UBR1: variants seen among roughly 807,000 people sequenced by gnomAD.
UBR1 encodes ubiquitin protein ligase E3 component n-recognin 1, also known as E3 ubiquitin-protein ligase UBR1.
A neutral mutation model predicts 242.1 loss-of-function variants in UBR1; 102 were observed. That is an observed-to-expected ratio of 0.42 (90% CI 0.36 to 0.50). The LOEUF (loss-of-function observed/expected upper bound fraction) is 0.50, where lower values mean the gene tolerates loss of function less well. Among genes scored for constraint, UBR1 ranks in the 20% least tolerant of loss-of-function variants. The pLI is 0.01. For synonymous variants in UBR1, 675 were observed against 684.8 expected (o/e 0.99, Z 0.22); for missense variants, 1,772 against 2,101.8 (o/e 0.84, Z 3.07).
Position 43,047,308 on chromosome 15 carries a change from C to A in UBR1, c.1540-19G>T. ...CCATTCCCTGCAATTACAAGTTGGTCAACATACACCTATCTGAGCCCTCTC... is the reference window on the plus strand; with the variant it reads ...CCATTCCCTGCAATTACAAGTTGGTAAACATACACCTATCTGAGCCCTCTC... On this transcript the variant is annotated intron_variant, in intron 13 of 46. Coordinates refer to ENST00000290650, the MANE Select transcript of UBR1 (RefSeq NM_174916.3). 1 of 1,613,964 alleles carries A rather than the reference C, an allele frequency of 6.2e-7. No individual in the cohort carries two copies. The highest frequency in any genetic ancestry group is 1.1e-5 in the South Asian group (1 of 91,020).
At chr15:43,059,895 C>T (rs756240989) in intron 7 of UBR1, 70 bp from the exon 8 acceptor site, 131 of 1,589,822 alleles carry the variant, frequency 8.2e-5, no homozygotes, top group Middle Eastern at 1.7e-4. Flanking sequence ...ATTTATACTT[C>T]AAATGAAGAA....
Position 42,950,599 on chromosome 15 carries a change from T to C in UBR1, c.5007-236A>G, listed in dbSNP as rs2031818452. The C allele has an allele frequency of 1.5e-5, 8 of 523,436 alleles. 1 individual carries two copies. The South Asian group carries it at 1.7e-4, about 11-fold the overall frequency. The allele number at this position is 523,436 out of a possible 1,614,324, so 32.4% of individuals were successfully genotyped here. A position where few individuals can be genotyped will look rare whatever the true frequency, so the allele number is the denominator to read the frequency against. On this transcript the variant is annotated intron_variant, in intron 45 of 46. Coordinates refer to ENST00000290650, the MANE Select transcript of UBR1 (RefSeq NM_174916.3). ...CAGTGGATTTGGTGAAATGAGATCA[T>C]TTATACTGACGGAATCTGTTGAAGG...
Position 42,945,140 on chromosome 15 carries a change from T to C in UBR1, c.*189A>G. 2 of 701,722 alleles carry C rather than the reference T, an allele frequency of 2.9e-6. No homozygotes were observed. The highest frequency in any genetic ancestry group is 4.7e-6 in the Non-Finnish European group (2 of 421,264). 43.5% of individuals were successfully genotyped at this position (701,722 alleles called of 1,614,324 possible). Reference sequence around the variant, plus strand: ...AAACAGATTGATCTATGTCCTTTTTTCCTGTGAAGCATATGTTTGCTAATT... The same window carrying C: ...AAACAGATTGATCTATGTCCTTTTTCCCTGTGAAGCATATGTTTGCTAATT... On this transcript the variant is annotated 3_prime_UTR_variant, in exon 47 of 47. Transcript: ENST00000290650.
chr15:43,029,777 C>T (rs979363328), intron 21 of UBR1, among the ~76,000 whole-genome samples, 167 bp downstream of exon 21: 4 of 152,050 alleles, frequency 2.6e-5, no homozygotes, highest in Non-Finnish European at 4.4e-5. Flanking sequence ...GGAGTTTCTC[C>T]CAGAATTAAA....
At chr15:42,956,455 G>C (rs1342368761) in intron 44 of UBR1, among the ~76,000 whole-genome samples, 1 of 152,142 alleles carries the variant, frequency 6.6e-6, no homozygotes, top group African/African-American at 2.4e-5. Flanking sequence ...AAGTAGCTGG[G>C]ATTACAGGTG....
chr15:43,098,096 G>A (rs980574947), intron 1 of UBR1, among the ~76,000 whole-genome samples: 1 of 152,164 alleles, frequency 6.6e-6, no homozygotes, highest in African/African-American at 2.4e-5. Flanking sequence ...GCCATTGTAG[G>A]GTTAACTGGC....
At chr15:43,043,528 A>G (rs2033446339) in intron 14 of UBR1, 133 bp from the exon 15 acceptor site, 2 of 808,044 alleles carry the variant, frequency 2.5e-6, no homozygotes, top group South Asian at 1.5e-5. Flanking sequence ...TGCAGCCTCA[A>G]CCTCCTGGGC....
Position 42,945,296 on chromosome 15 carries a change from T to C in UBR1, c.*33A>G. On this transcript the variant is annotated 3_prime_UTR_variant, in exon 47 of 47. Coordinates refer to ENST00000290650, the MANE Select transcript of UBR1 (RefSeq NM_174916.3). ...TTTGAATCAGCCTTTACTACTGTCG[T>C]CATTTGTGATTGTCTTGAGGCAGAG... 1 of 1,614,078 alleles carries C rather than the reference T, an allele frequency of 6.2e-7. No homozygotes were observed. The highest frequency in any genetic ancestry group is 2.2e-5 in the East Asian group (1 of 44,884).
At chr15:43,094,793 T>C (rs908382846) in intron 1 of UBR1, among the ~76,000 whole-genome samples, 1 of 152,374 alleles carries the variant, frequency 6.6e-6, no homozygotes, top group Non-Finnish European at 1.5e-5. Context: ...TGTCTGTAAA[T>C]ATGATAAGTC....
chr15:43,070,370 A>G (rs2033810008), intron 5 of UBR1, among the ~76,000 whole-genome samples: 1 of 152,062 alleles, frequency 6.6e-6, no homozygotes, highest in Admixed American at 6.6e-5. Flanking sequence ...TGATCAGGAC[A>G]AGAGCTAAAA....
chr15:43,037,021 T>A (rs2033346095), intron 17 of UBR1, among the ~76,000 whole-genome samples: 1 of 151,860 alleles, frequency 6.6e-6, no homozygotes, highest in Admixed American at 6.6e-5. Context: ...TTCTTCCAAG[T>A]GCTAACTTTA....
At chr15:43,002,100 T>C (rs2032734495) in intron 32 of UBR1, among the ~76,000 whole-genome samples, 1 of 152,214 alleles carries the variant, frequency 6.6e-6, no homozygotes, top group South Asian at 2.1e-4. Context: ...AATTAGGCTT[T>C]TGATCACATT....
chr15:43,034,449 T>A (rs962332131), intron 19 of UBR1, among the ~76,000 whole-genome samples: 16 of 151,236 alleles, frequency 1.1e-4, no homozygotes, highest in Non-Finnish European at 2.4e-4. Context: ...CAAAAACAAT[T>A]AATAAATAAA....
chr15:43,006,274 TTAAG>T (rs1229481376), intron 30 of UBR1, among the ~76,000 whole-genome samples: 2 of 152,132 alleles, frequency 1.3e-5, no homozygotes, highest in Non-Finnish European at 2.9e-5. Flanking sequence ...GTTGTGAGGA[TTAAG>T]TAAGTAAATA....
intron 39 of UBR1, among the ~76,000 whole-genome samples, chr15:42,971,966 A>T (rs1596080489): frequency 6.6e-6 from 1 of 152,284 alleles, no homozygotes; most frequent in East Asian, 1.9e-4. Flanking sequence ...ACCTATCAAC[A>T]TTTGGCACCA....
At chr15:43,036,887 C>A (rs10851412) in intron 17 of UBR1, among the ~76,000 whole-genome samples, 1 of 151,252 alleles carries the variant, frequency 6.6e-6, no homozygotes, top group East Asian at 1.9e-4. Flanking sequence ...TAAAAGTAAA[C>A]CAATTTCTAC....
intron 20 of UBR1, 47 bp from the exon 21 acceptor site, chr15:43,030,115 C>A (rs773620347): frequency 1.1e-5 from 18 of 1,576,462 alleles, no homozygotes. Context: ...TAATTATTTT[C>A]TATTTAAATC....
rs1306033345 is a variant in UBR1 at position 42,944,682 on chromosome 15, A to T, written c.*647T>A. Reference sequence around the variant, plus strand: ...ACCGTCAGGAATGAATAACAAATACATTACCCTAACTTTTCTTGAGGCCTA... The same window carrying T: ...ACCGTCAGGAATGAATAACAAATACTTTACCCTAACTTTTCTTGAGGCCTA... On this transcript the variant is annotated 3_prime_UTR_variant, in exon 47 of 47. Coordinates refer to ENST00000290650, the MANE Select transcript of UBR1 (RefSeq NM_174916.3). 6.5e-6 allele frequency: 1 copy of T among 153,536 alleles called. No homozygotes were observed. 9.5% of individuals were successfully genotyped at this position (153,536 alleles called of 1,614,324 possible). A position where few individuals can be genotyped will look rare whatever the true frequency, so the allele number is the denominator to read the frequency against.
intron 20 of UBR1, among the ~76,000 whole-genome samples, chr15:43,030,287 A>G (rs1242316261): frequency 2.0e-5 from 3 of 152,196 alleles, no homozygotes; most frequent in Non-Finnish European, 4.4e-5. Flanking sequence ...GCCTTGTCTT[A>G]GCTTACTTAC....
Sources: gnomAD v4.1 joint callset for allele counts (sites outside exome capture counted in the v4.1 genomes callset) on GRCh38, gnomAD v4.1.1 for gene constraint, MANE v1.5 for transcripts, NCBI Gene and HGNC (gene_info 2026-07-23, HGNC 2026-07-21) for gene names.